DYNC2H1: variants seen among roughly 807,000 people sequenced by gnomAD.
DYNC2H1 encodes the protein cytoplasmic dynein 2 heavy chain 1.
In DYNC2H1, 410 loss-of-function variants were observed where a neutral mutation model predicts 570.0. That is an observed-to-expected ratio of 0.72 (90% CI 0.66 to 0.78). The LOEUF (loss-of-function observed/expected upper bound fraction) is 0.78, where lower values mean the gene tolerates loss of function less well. DYNC2H1 is among the 30% of genes least tolerant of loss of function. The pLI is 0.00. For missense variants in DYNC2H1, 4,865 were observed against 5,046.4 expected, an observed-to-expected ratio of 0.96 and a Z score of 1.09; for synonymous variants, 1,688 against 1,677.6, an observed-to-expected ratio of 1.01 and a Z score of -0.15.
intron 37 of DYNC2H1, 25 bp downstream of exon 37, chr11:103,176,459 T>C: frequency 1.4e-6 from 2 of 1,430,066 alleles, no homozygotes; most frequent in Non-Finnish European, 1.8e-6. Context: ...TATTTTATAA[T>C]AGATTGATCC....
chr11:103,463,953 G>A (rs1484571088), intron 87 of DYNC2H1, among the ~76,000 whole-genome samples: 1 of 152,034 alleles, frequency 6.6e-6, no homozygotes, highest in Non-Finnish European at 1.5e-5. Context: ...TATAAATATC[G>A]TATGTATGTA....
chr11:103,307,674 T>G (rs1407131976), intron 77 of DYNC2H1, 47 bp from the exon 78 acceptor site: 1 of 1,033,790 alleles, frequency 9.7e-7, no homozygotes, highest in Non-Finnish European at 1.4e-6. Context: ...AAAGAGAAAC[T>G]TTCATATATA....
chr11:103,141,397 C>G (rs185367128), intron 17 of DYNC2H1, among the ~76,000 whole-genome samples: 1 of 152,100 alleles, frequency 6.6e-6, no homozygotes, highest in African/African-American at 2.4e-5. Context: ...GATGTCCTTT[C>G]TGTTTGTTAG....
chr11:103,326,282 C>T lies in DYNC2H1; in HGVS notation c.12039+2292C>T, dbSNP rs1442715012. 1.3e-5 allele frequency among the ~76,000 whole-genome samples: 2 copies of T among 152,120 alleles called. No homozygotes were observed. Among genetic ancestry groups the T allele is most frequent in the African/African-American group, 4.8e-5 (2 of 41,422 alleles). ...CATCTCACCAGGGCCCCGTCCTTGG[C>T]TTTGAGTGAGCCTCTTCTGATCATT... On this transcript the variant is annotated intron_variant, in intron 82 of 88. Coordinates refer to ENST00000375735, the MANE Select transcript of DYNC2H1 (RefSeq NM_001377.3). The surrounding 1 kb of genome is among the most constrained non-coding windows in gnomAD (Gnocchi z 6.1).
chr11:103,140,062 T>G (rs1287977613), intron 17 of DYNC2H1, among the ~76,000 whole-genome samples: 2 of 152,188 alleles, frequency 1.3e-5, no homozygotes, highest in East Asian at 1.9e-4. Flanking sequence ...GTTTTCCATT[T>G]GCTTGGTAGA....
chr11:103,193,791 G>T (rs1278454077), intron 47 of DYNC2H1, among the ~76,000 whole-genome samples: 1 of 151,870 alleles, frequency 6.6e-6, no homozygotes, highest in African/African-American at 2.4e-5. Context: ...CAGGTGATCT[G>T]CCCGCCTTGG....
Position 103,189,467 on chromosome 11 carries a change from G to T in DYNC2H1, c.7293-205G>T, listed in dbSNP as rs1246367947. On this transcript the variant is annotated intron_variant, in intron 44 of 88. Coordinates refer to ENST00000375735, the MANE Select transcript of DYNC2H1 (RefSeq NM_001377.3). This position sits in a 1 kb window ranked among gnomAD's most constrained non-coding sequence, Gnocchi z 4.3. ...GGTTCTCTAACACCTTCTGGTATTTGACAATAGATATTTCGGGATCGAATT... is the reference window on the plus strand; with the variant it reads ...GGTTCTCTAACACCTTCTGGTATTTTACAATAGATATTTCGGGATCGAATT... 2.6e-5 allele frequency among the ~76,000 whole-genome samples: 4 copies of T among 152,164 alleles called. No individual in the cohort carries two copies. The South Asian group carries it at 6.2e-4, about 24-fold the overall frequency.
At chr11:103,113,428 G>A in intron 1 of DYNC2H1, 109 bp from the exon 2 acceptor site, 2 of 812,220 alleles carry the variant, frequency 2.5e-6, no homozygotes. Flanking sequence ...TATTTTTAAA[G>A]TAACTATTTT....
chr11:103,159,294 C>T (rs1455619644), intron 28 of DYNC2H1, among the ~76,000 whole-genome samples: 1 of 152,088 alleles, frequency 6.6e-6, no homozygotes, highest in Non-Finnish European at 1.5e-5. Context: ...TTTAGGGCAT[C>T]ATGAAGTAAG....
At chr11:103,121,633 C>A in intron 10 of DYNC2H1, 137 bp downstream of exon 10, 1 of 958,456 alleles carries the variant, frequency 1.0e-6, no homozygotes, top group Non-Finnish European at 1.5e-6. Flanking sequence ...ATACAAAATG[C>A]AGAACACTGA....
intron 13 of DYNC2H1, among the ~76,000 whole-genome samples, chr11:103,130,229 C>G (rs1417414681): frequency 6.6e-6 from 1 of 152,106 alleles, no homozygotes; most frequent in African/African-American, 2.4e-5. Flanking sequence ...TCCAAACTCC[C>G]AGAAGGAAAG....
intron 70 of DYNC2H1, among the ~76,000 whole-genome samples, chr11:103,274,522 AT>A (rs1865835250): frequency 6.6e-6 from 1 of 152,038 alleles, no homozygotes; most frequent in Non-Finnish European, 1.5e-5. Flanking sequence ...ATATGTTATT[AT>A]AATCATTTTA....
intron 85 of DYNC2H1, among the ~76,000 whole-genome samples, chr11:103,442,248 A>G (rs929169672): frequency 2.0e-5 from 3 of 152,100 alleles, no homozygotes. Flanking sequence ...AAAACATGAA[A>G]TTCCTGTGAA....
Position 103,168,900 on chromosome 11 carries a change from T to A in DYNC2H1, c.4908T>A (p.Ser1636Arg). 6.2e-7 allele frequency: 1 copy of A among 1,613,144 alleles called. No homozygotes were observed. The highest frequency in any genetic ancestry group is 8.5e-7 in the Non-Finnish European group (1 of 1,179,484). Reference sequence around the variant, plus strand: ...AACAACTTAGATTCTATATGAAAAGTGATCATACATGTTGTGTTCAAATGG... The same window carrying A: ...AACAACTTAGATTCTATATGAAAAGAGATCATACATGTTGTGTTCAAATGG... ...WKKQLRFYMKSDHTCCVQMVD... is the reference protein window; with the variant it reads ...WKKQLRFYMKRDHTCCVQMVD... The change falls in exon 32 of 89, where the codon AGT becomes AGA. Residue 1636 changes from serine to arginine, a missense_variant. Ser to Arg is a moderately radical substitution (Grantham distance 110). Coordinates refer to ENST00000375735, the MANE Select transcript of DYNC2H1 (RefSeq NM_001377.3).
chr11:103,451,335 T>A (rs1256588561), intron 85 of DYNC2H1, among the ~76,000 whole-genome samples: 1 of 113,602 alleles, frequency 8.8e-6, no homozygotes, highest in Non-Finnish European at 2.0e-5. Flanking sequence ...TTTTTTTTTT[T>A]TTTTTTTTTT....
chr11:103,427,154 CTACA>C (rs1049090025), intron 84 of DYNC2H1, among the ~76,000 whole-genome samples: 2 of 151,966 alleles, frequency 1.3e-5, no homozygotes, highest in Non-Finnish European at 2.9e-5. Context: ...CCCAACATGC[CTACA>C]TACATACATA....
chr11:103,142,182 CT>C (rs1859982276), intron 17 of DYNC2H1, among the ~76,000 whole-genome samples: 1 of 152,256 alleles, frequency 6.6e-6, no homozygotes, highest in Admixed American at 6.5e-5. Flanking sequence ...ATGCCTCGCC[CT>C]GCTTCGGCTC....
At chr11:103,286,718 C>A (rs999643876) in intron 74 of DYNC2H1, among the ~76,000 whole-genome samples, 7 of 151,958 alleles carry the variant, frequency 4.6e-5, no homozygotes, top group Admixed American at 1.3e-4. Context: ...AGGAAAAGAC[C>A]TAATAGTGAG....
chr11:103,214,352 G>A (rs1425813120), intron 54 of DYNC2H1, among the ~76,000 whole-genome samples: 1 of 151,838 alleles, frequency 6.6e-6, no homozygotes, highest in Non-Finnish European at 1.5e-5. Context: ...AAATTTCTGT[G>A]AAGAATGTAA....
Sources: allele counts gnomAD v4.1 joint callset (sites outside exome capture counted in the v4.1 genomes callset), GRCh38; gene constraint gnomAD v4.1.1; non-coding constraint Gnocchi (gnomAD v3.1); transcripts MANE v1.5; gene names NCBI Gene and HGNC (gene_info 2026-07-23, HGNC 2026-07-21).